The following PIK3AP1 variants were observed in gnomAD, a reference collection of about 807,000 sequenced individuals.
PIK3AP1 encodes the protein phosphoinositide 3-kinase adapter protein 1.
PIK3AP1 carries 21 observed loss-of-function variants against 88.1 expected under a neutral mutation model. The ratio of observed to expected loss-of-function variants is 0.24; its 90% CI spans 0.17 to 0.34. PIK3AP1 has a LOEUF of 0.34. Ranked by LOEUF, PIK3AP1 falls within the 10% of genes least tolerant of loss-of-function variation. The probability of loss-of-function intolerance (pLI) is 1.00; values close to 1 mark genes in which losing one functional copy is unlikely to be tolerated. For synonymous variants in PIK3AP1, 398 were observed against 400.0 expected, an observed-to-expected ratio of 1.00 and a Z score of 0.06; for missense variants, 828 against 1,035.7, an observed-to-expected ratio of 0.80 and a Z score of 2.75.
intron 1 of PIK3AP1, 105 bp from the exon 2 acceptor site, chr10:96,710,088 C>A: frequency 8.6e-7 from 1 of 1,167,650 alleles, no homozygotes; most frequent in Non-Finnish European, 1.2e-6. Context: ...CTGGCACCCA[C>A]AATCTTTCGT....
At chr10:96,637,774 C>T (rs1843332672) in intron 8 of PIK3AP1, among the ~76,000 whole-genome samples, 1 of 152,126 alleles carries the variant, frequency 6.6e-6, no homozygotes. Context: ...ATCATCTAAT[C>T]AGCTGAGGGC....
At position 96,673,999 on chromosome 10, in the gene PIK3AP1, C is replaced by A. The variant is rs546871115; in HGVS notation, c.431-17065G>T. 4.6e-5 allele frequency among the ~76,000 whole-genome samples: 7 copies of A among 152,232 alleles called. No individual in the cohort carries two copies. In the South Asian group the frequency reaches 1.5e-3, roughly 32 times the overall value. On this transcript the variant is annotated intron_variant, in intron 2 of 16. Transcript: ENST00000339364. Reference sequence around the variant, plus strand: ...CTTTCAGGAAGGGTAACTTTCTGTTCTCATCCCTCACCGTGAAAGGCTGCA... The same window carrying A: ...CTTTCAGGAAGGGTAACTTTCTGTTATCATCCCTCACCGTGAAAGGCTGCA...
chr10:96,646,372 T>C (rs1037868197), intron 7 of PIK3AP1, among the ~76,000 whole-genome samples: 6 of 152,060 alleles, frequency 3.9e-5, no homozygotes, highest in Non-Finnish European at 7.3e-5. Flanking sequence ...GAGAAAGGTA[T>C]AATATTCTCT....
In PIK3AP1 at chr10:96,652,852, G is replaced by A; in HGVS notation, c.568-10C>T. ...AGACAGTGGTTTCTGCCTGAAACGG[G>A]AAGCCGGTCATTGTCCCCTCTCCCT... On this transcript the variant is annotated splice_polypyrimidine_tract_variant and intron_variant, in intron 3 of 16. Coordinates refer to ENST00000339364, the MANE Select transcript of PIK3AP1 (RefSeq NM_152309.3). The A allele has an allele frequency of 6.2e-7, 1 of 1,611,618 alleles. No homozygotes were observed. Among genetic ancestry groups the A allele is most frequent in the Non-Finnish European group, 8.5e-7 (1 of 1,179,764 alleles).
At chr10:96,601,473 CAAAAAAAA>C (rs11407501) in intron 16 of PIK3AP1, among the ~76,000 whole-genome samples, 2 of 75,494 alleles carry the variant, frequency 2.6e-5, no homozygotes, top group East Asian at 4.4e-4. Flanking sequence ...GAATCTATCT[CAAAAAAAA>C]AAAAAAAAAA....
rs1295373588 is a variant in PIK3AP1, at chr10:96,720,273, C to G, written c.13+109G>C. 9.2e-7 allele frequency: 1 copy of G among 1,084,222 alleles called. No homozygotes were observed. The highest frequency in any genetic ancestry group is 1.2e-6 in the Non-Finnish European group (1 of 847,484). The allele number at this position is 1,084,222 out of a possible 1,614,324, so 67.2% of individuals were successfully genotyped here. A position where few individuals can be genotyped will look rare whatever the true frequency, so the allele number is the denominator to read the frequency against. ...GAAAAGAGCAGAAAGAGGGCAAGAT[C>G]CCCGCACAGAGGACGCAAACAGAAG... On this transcript the variant is annotated intron_variant, in intron 1 of 16. Transcript: ENST00000339364. This position sits in a 1 kb window ranked among gnomAD's most constrained non-coding sequence, Gnocchi z 4.6.
Position 96,678,367 on chromosome 10 carries a change from G to A in PIK3AP1, c.431-21433C>T, listed in dbSNP as rs547533849. 9.2e-5 allele frequency among the ~76,000 whole-genome samples: 14 copies of A among 152,102 alleles called. No homozygotes were observed. The East Asian group carries it at 1.5e-3, about 17-fold the overall frequency. On this transcript the variant is annotated intron_variant, in intron 2 of 16. Coordinates refer to ENST00000339364, the MANE Select transcript of PIK3AP1 (RefSeq NM_152309.3). ...AGAGAATCGCTTGAACCCAGGAGGCGGAGGTTGCAATGAGTCGAGATCACA... is the reference window on the plus strand; with the variant it reads ...AGAGAATCGCTTGAACCCAGGAGGCAGAGGTTGCAATGAGTCGAGATCACA...
intron 1 of PIK3AP1, among the ~76,000 whole-genome samples, chr10:96,713,939 C>T (rs1442622177): frequency 3.3e-5 from 5 of 151,962 alleles, no homozygotes; most frequent in East Asian, 3.9e-4. Flanking sequence ...TTTGGGAGGC[C>T]GAGGCAGGCG....
chr10:96,679,492 C>T (rs998461965), intron 2 of PIK3AP1, among the ~76,000 whole-genome samples: 5 of 151,752 alleles, frequency 3.3e-5, no homozygotes, highest in African/African-American at 1.2e-4. Flanking sequence ...CTCGCTGCTG[C>T]ACTCCAGCCT....
intron 2 of PIK3AP1, among the ~76,000 whole-genome samples, chr10:96,709,180 G>A (rs1179225256): frequency 3.3e-5 from 5 of 150,446 alleles, no homozygotes; most frequent in South Asian, 2.1e-4. Flanking sequence ...TGAAGTTCGC[G>A]TGATGATAAA....
chr10:96,700,851 C>T, intron 2 of PIK3AP1: 2 of 985,674 alleles, frequency 2.0e-6, no homozygotes, highest in Non-Finnish European at 2.4e-6. Context: ...TTCCCCTTTG[C>T]TCAGAGGGTC....
At position 96,709,878 on chromosome 10, in the gene PIK3AP1, TG is replaced by T. The variant is rs1564991748; in HGVS notation, c.118del (p.Gln40ArgfsTer4). 2 of 1,613,800 alleles carry T rather than the reference TG, an allele frequency of 1.2e-6. No homozygotes were observed. The highest frequency in any genetic ancestry group is 8.5e-7 in the Non-Finnish European group (1 of 1,179,974). ...LFLSSRQVRS[Q>X]KILTHRLGPE... is the part of the protein sequence containing the mutation. ...GCCCAGCCTGTGAGTCAGTATCTTC[TG>T]GCTGCGGACCTGCCGACTGGACAGG... On this transcript the variant is annotated frameshift_variant, in exon 2 of 17. Transcript: ENST00000339364. LOFTEE classifies it high-confidence loss of function.
Position 96,609,712 on chromosome 10 carries a change from T to C in PIK3AP1, c.2170A>G (p.Ser724Gly). The change falls in exon 14 of 17, where the codon AGT becomes GGT. Residue 724 changes from serine to glycine, a missense_variant and splice_region_variant. Transcript: ENST00000339364. ...WKTDSTSSTA[S>G]STSNRSSTRS... The stretch of plus-strand genomic sequence containing the variant: ...CACCCCCGCACCCCCAGCTGCTCAC[T>C]TGCTGTGCTGGAGGTGCTGTCTGTT... 6.2e-7 allele frequency: 1 copy of C among 1,612,896 alleles called. No individual in the cohort carries two copies. The highest frequency in any genetic ancestry group is 8.5e-7 in the Non-Finnish European group (1 of 1,179,686).
At chr10:96,712,943 G>C (rs1404396196) in intron 1 of PIK3AP1, among the ~76,000 whole-genome samples, 1 of 152,244 alleles carries the variant, frequency 6.6e-6, no homozygotes, top group Non-Finnish European at 1.5e-5. Context: ...GGAAGGGATG[G>C]TTGTGGTCCC....
intron 2 of PIK3AP1, among the ~76,000 whole-genome samples, chr10:96,690,050 G>A (rs1168249778): frequency 6.6e-6 from 1 of 152,154 alleles, no homozygotes; most frequent in Non-Finnish European, 1.5e-5. Context: ...GCCCTTCAGA[G>A]CATCTTCAGA....
intron 1 of PIK3AP1, among the ~76,000 whole-genome samples, chr10:96,711,404 G>C (rs1011085754): frequency 2.6e-5 from 4 of 152,214 alleles, no homozygotes; most frequent in African/African-American, 9.6e-5. Flanking sequence ...TCAACAAACT[G>C]TTCTGTGTGT....
At chr10:96,601,607 T>C (rs1848898077) in intron 16 of PIK3AP1, among the ~76,000 whole-genome samples, 1 of 152,144 alleles carries the variant, frequency 6.6e-6, no homozygotes, top group Non-Finnish European at 1.5e-5. Flanking sequence ...CCATACGATG[T>C]AGCCTGTCAC....
chr10:96,594,395 A>ACACAT lies in PIK3AP1; in HGVS notation c.*1177_*1181dup, dbSNP rs1848722453. On this transcript the variant is annotated 3_prime_UTR_variant, in exon 17 of 17. Coordinates refer to ENST00000339364, the MANE Select transcript of PIK3AP1 (RefSeq NM_152309.3). The surrounding 1 kb of genome is among the most constrained non-coding windows in gnomAD (Gnocchi z 4.6). ...TCTTATAATATCTAATACAATGCCT[A>ACACAT]CACATCACTTCATTTACATGAATTC... The ACACAT allele has an allele frequency of 6.6e-6, 1 of 152,214 alleles. No homozygotes were observed. The highest frequency in any genetic ancestry group is 1.5e-5 in the Non-Finnish European group (1 of 68,034). The allele number at this position is 152,214 out of a possible 1,614,324, so 9.4% of individuals were successfully genotyped here. A position where few individuals can be genotyped will look rare whatever the true frequency, so the allele number is the denominator to read the frequency against.
At chr10:96,716,330 T>C (rs1363456873) in intron 1 of PIK3AP1, among the ~76,000 whole-genome samples, 1 of 152,226 alleles carries the variant, frequency 6.6e-6, no homozygotes, top group Non-Finnish European at 1.5e-5. Context: ...GTCTCACTCC[T>C]GGGGTTCTAG....
Sources: gnomAD v4.1 joint callset for allele counts (sites outside exome capture counted in the v4.1 genomes callset) on GRCh38, gnomAD v4.1.1 for gene constraint, Gnocchi (gnomAD v3.1) non-coding constraint, MANE v1.5 for transcripts, NCBI Gene and HGNC (gene_info 2026-07-23, HGNC 2026-07-21) for gene names.